LIMS1: variants seen among roughly 807,000 people sequenced by gnomAD.
LIMS1 encodes the protein LIM and senescent cell antigen-like-containing domain protein 1.
LIMS1 carries 18 observed loss-of-function variants against 44.1 expected under a neutral mutation model. The ratio of observed to expected loss-of-function variants is 0.41; its 90% CI spans 0.28 to 0.61. The LOEUF is 0.61. LIMS1 is among the 20% of genes least tolerant of loss of function. The pLI is 0.32. For missense variants in LIMS1, 201 were observed against 422.0 expected (o/e 0.48, Z 4.59); for synonymous variants, 93 against 149.1 (o/e 0.62, Z 2.74).
At chr2:108,546,693 T>A (rs887244233) in intron 1 of LIMS1, among the ~76,000 whole-genome samples, 3 of 150,554 alleles carry the variant, frequency 2.0e-5, no homozygotes, top group Non-Finnish European at 3.0e-5. Flanking sequence ...TTTTTTTTTT[T>A]AAAGACAATG....
chr2:108,658,836 C>T (rs1456942271), intron 1 of LIMS1, among the ~76,000 whole-genome samples: 12 of 152,396 alleles, frequency 7.9e-5, no homozygotes, highest in Admixed American at 2.0e-4. Flanking sequence ...GTTTGAAATT[C>T]GTGGTGTAAT....
intron 1 of LIMS1, among the ~76,000 whole-genome samples, chr2:108,658,744 CGCA>C (rs1385608383): frequency 2.0e-5 from 3 of 152,304 alleles, no homozygotes; most frequent in Admixed American, 6.5e-5. Flanking sequence ...CGTCACCAGC[CGCA>C]GCAGTGGTTA....
At chr2:108,537,431 G>T (rs1237668407) in intron 1 of LIMS1, among the ~76,000 whole-genome samples, 1 of 152,168 alleles carries the variant, frequency 6.6e-6, no homozygotes, top group East Asian at 1.9e-4. Flanking sequence ...AGTTTTAGTA[G>T]GATGTAATAA....
chr2:108,562,154 A>G (rs181328722), intron 1 of LIMS1, among the ~76,000 whole-genome samples: 95 of 152,352 alleles, frequency 6.2e-4, no homozygotes, highest in African/African-American at 2.2e-3. Context: ...TCTAACTGCT[A>G]TACTTACTGG....
intron 8 of LIMS1, 72 bp downstream of exon 8, chr2:108,678,099 G>C: frequency 6.2e-7 from 1 of 1,605,194 alleles, no homozygotes; most frequent in East Asian, 2.2e-5. Context: ...GGAAATTCAG[G>C]TTGGTGATTG....
At chr2:108,541,437 A>G (rs1268015070) in intron 1 of LIMS1, among the ~76,000 whole-genome samples, 1 of 152,210 alleles carries the variant, frequency 6.6e-6, no homozygotes, top group African/African-American at 2.4e-5. Flanking sequence ...TAGATTCAAC[A>G]GGATTTGTTT....
At chr2:108,535,129 C>T (rs115636883) in intron 1 of LIMS1, among the ~76,000 whole-genome samples, 3,823 of 152,308 alleles carry the variant, frequency 0.025, 62 homozygotes, top group African/African-American at 0.033. Flanking sequence ...GCGTCCTTTA[C>T]AGTTTGCGAA....
chr2:108,534,229 C>T (rs6752157), upstream of LIMS1: 4,504 of 159,128 alleles, frequency 0.028, 142 homozygotes, highest in South Asian at 0.14. Context: ...TGGGGGCGGG[C>T]CCGAGCCACG....
At chr2:108,622,973 A>ATTTTTT (rs68115708) in intron 1 of LIMS1, among the ~76,000 whole-genome samples, 1 of 123,128 alleles carries the variant, frequency 8.1e-6, no homozygotes, top group Non-Finnish European at 1.8e-5. Context: ...AAACAACTAG[A>ATTTTTT]TTTTTTTTTT....
intron 1 of LIMS1, among the ~76,000 whole-genome samples, chr2:108,616,996 A>G (rs1270536835): frequency 6.6e-6 from 1 of 152,206 alleles, no homozygotes; most frequent in Non-Finnish European, 1.5e-5. Context: ...CATTTCCATC[A>G]AGTGCAAAGT....
intron 1 of LIMS1, among the ~76,000 whole-genome samples, chr2:108,618,737 A>C (rs1386255395): frequency 4.0e-5 from 6 of 151,316 alleles, no homozygotes; most frequent in African/African-American, 1.5e-4. Context: ...AGGCAGGGGA[A>C]TCGCTTGAAC....
intron 1 of LIMS1, among the ~76,000 whole-genome samples, chr2:108,544,890 A>G (rs1272426131): frequency 6.6e-6 from 1 of 152,218 alleles, no homozygotes; most frequent in African/African-American, 2.4e-5. Flanking sequence ...AGATTTTAAT[A>G]TGTATCCTTA....
chr2:108,573,198 A>T (rs1178323053), intron 1 of LIMS1, among the ~76,000 whole-genome samples: 2 of 152,308 alleles, frequency 1.3e-5, no homozygotes, highest in East Asian at 3.9e-4. Context: ...ACTTACTCTC[A>T]ATTTCTGCAC....
intron 1 of LIMS1, among the ~76,000 whole-genome samples, chr2:108,595,795 C>T (rs184654605): frequency 8.2e-4 from 125 of 152,266 alleles, no homozygotes; most frequent in Non-Finnish European, 1.5e-3. Flanking sequence ...TTTTGCAGCT[C>T]GTTTGGAGCC....
chr2:108,589,380 A>C (rs977467664), intron 1 of LIMS1, among the ~76,000 whole-genome samples: 2 of 152,210 alleles, frequency 1.3e-5, no homozygotes, highest in Admixed American at 1.3e-4. Context: ...TGAGATATAC[A>C]ATACAGTATT....
intron 1 of LIMS1, among the ~76,000 whole-genome samples, chr2:108,538,695 T>TA (rs946374151): frequency 4.6e-5 from 7 of 152,230 alleles, no homozygotes; most frequent in Non-Finnish European, 8.8e-5. Context: ...TTTTTAGTAT[T>TA]AAAAAAGTTA....
intron 1 of LIMS1, among the ~76,000 whole-genome samples, chr2:108,639,117 CACA>C (rs1481977224): frequency 6.6e-6 from 1 of 152,096 alleles, no homozygotes; most frequent in African/African-American, 2.4e-5. Context: ...CGATACAGAA[CACA>C]ACATTATATC....
intron 1 of LIMS1, among the ~76,000 whole-genome samples, chr2:108,611,788 G>C (rs1281170602): frequency 6.7e-6 from 1 of 148,256 alleles, no homozygotes; most frequent in East Asian, 2.0e-4. Context: ...TGAGGTGGGA[G>C]GATTGCTTGA....
chr2:108,639,781 C>A (rs1357755650), intron 1 of LIMS1, among the ~76,000 whole-genome samples: 1 of 152,152 alleles, frequency 6.6e-6, no homozygotes, highest in Non-Finnish European at 1.5e-5. Context: ...GAATAGAGCT[C>A]AAAATGTTAA....
Sources: gnomAD v4.1 joint callset for allele counts (sites outside exome capture counted in the v4.1 genomes callset) on GRCh38, gnomAD v4.1.1 for gene constraint, MANE v1.5 for transcripts, NCBI Gene and HGNC (gene_info 2026-07-23, HGNC 2026-07-21) for gene names.